Variants in ATP2B2 observed in about 807,000 individuals in gnomAD.
ATP2B2 encodes the protein plasma membrane calcium-transporting ATPase 2.
ATP2B2 carries 15 observed loss-of-function variants against 120.0 expected under a neutral mutation model. That is an observed-to-expected ratio of 0.12 (90% CI 0.08 to 0.19). ATP2B2 has a LOEUF of 0.19. ATP2B2 is among the 10% of genes least tolerant of loss of function. The probability of loss-of-function intolerance (pLI) is 1.00; values close to 1 mark genes in which losing one functional copy is unlikely to be tolerated. For missense variants in ATP2B2, 1,045 were observed against 1,719.8 expected, an observed-to-expected ratio of 0.61 and a Z score of 6.94; for synonymous variants, 694 against 700.3, an observed-to-expected ratio of 0.99 and a Z score of 0.14.
chr3:10,600,385 C>A (rs1429260056), intron 2 of ATP2B2, among the ~76,000 whole-genome samples: 1 of 152,224 alleles, frequency 6.6e-6, no homozygotes, highest in Non-Finnish European at 1.5e-5. Flanking sequence ...CATTTTCTGG[C>A]TGGACAGAGT....
chr3:10,633,274 C>T (rs189443852), intron 1 of ATP2B2, among the ~76,000 whole-genome samples: 2 of 152,178 alleles, frequency 1.3e-5, no homozygotes, highest in African/African-American at 4.8e-5. Flanking sequence ...TCCATGAATG[C>T]TATTTCTCCC....
intron 2 of ATP2B2, among the ~76,000 whole-genome samples, chr3:10,446,659 C>A (rs1436946586): frequency 6.6e-6 from 1 of 152,186 alleles, no homozygotes; most frequent in African/African-American, 2.4e-5. Context: ...GCCTGTACCT[C>A]CCAGCCCCCT....
At chr3:10,695,238 A>AGTAG (rs2071724160) in intron 1 of ATP2B2, among the ~76,000 whole-genome samples, 1 of 91,638 alleles carries the variant, frequency 1.1e-5, no homozygotes, top group Non-Finnish European at 1.9e-5. Context: ...TAGCAGGCAA[A>AGTAG]GGAGGGAGGG....
chr3:10,357,348 C>T (rs2060766005), intron 14 of ATP2B2, among the ~76,000 whole-genome samples: 1 of 152,128 alleles, frequency 6.6e-6, no homozygotes, highest in Non-Finnish European at 1.5e-5. Flanking sequence ...GCCAGCTGTG[C>T]CGGCACTCAG....
rs966735043 is a variant in ATP2B2, at chr3:10,497,466, C to A, written c.-320+7999G>T. ...TTGAGCCTAGTGTTTATTTTAGTAT[C>A]ATTTATTGAACTAGAAGAGACTCAT... On this transcript the variant is annotated intron_variant, in intron 1 of 22. Transcript: ENST00000360273. Among the ~76,000 whole-genome samples, 24 of 152,226 alleles carry A rather than the reference C, an allele frequency of 1.6e-4. 1 individual carries two copies. Among genetic ancestry groups the A allele is most frequent in the African/African-American group, 5.3e-4 (22 of 41,442 alleles).
intron 1 of ATP2B2, among the ~76,000 whole-genome samples, chr3:10,695,367 A>G (rs1464087324): frequency 2.6e-5 from 4 of 152,148 alleles, no homozygotes; most frequent in Non-Finnish European, 5.9e-5. Flanking sequence ...AGCACATGAA[A>G]GACCTGCTCC....
upstream of ATP2B2, among the ~76,000 whole-genome samples, chr3:10,508,590 C>T (rs977166319): frequency 6.6e-6 from 1 of 152,200 alleles, no homozygotes; most frequent in African/African-American, 2.4e-5. Flanking sequence ...TCAGGGCTTG[C>T]CTAAGGTCAT....
At chr3:10,704,190 C>T (rs911453212) in intron 1 of ATP2B2, among the ~76,000 whole-genome samples, 2 of 152,204 alleles carry the variant, frequency 1.3e-5, no homozygotes, top group African/African-American at 4.8e-5. Flanking sequence ...TTGGCCTCGC[C>T]ATAACTGAAT....
chr3:10,611,051 A>T (rs185875279), intron 2 of ATP2B2, among the ~76,000 whole-genome samples: 2 of 152,336 alleles, frequency 1.3e-5, no homozygotes, highest in African/African-American at 4.8e-5. Context: ...CCAGAACCTG[A>T]GGGCTCGCAG....
chr3:10,648,611 G>A (rs568865717), intron 1 of ATP2B2, among the ~76,000 whole-genome samples: 8 of 152,182 alleles, frequency 5.3e-5, no homozygotes, highest in Middle Eastern at 3.4e-3. Context: ...GACCCAAGCC[G>A]ACCTCAGGAC....
chr3:10,544,799 A>G (rs1306444119), intron 2 of ATP2B2, among the ~76,000 whole-genome samples: 2 of 152,152 alleles, frequency 1.3e-5, no homozygotes, highest in African/African-American at 4.8e-5. Context: ...CTTCCTCCAA[A>G]ATCAAATCAG....
intron 1 of ATP2B2, among the ~76,000 whole-genome samples, chr3:10,487,230 G>C (rs1405941891): frequency 6.6e-6 from 1 of 151,934 alleles, no homozygotes; most frequent in East Asian, 1.9e-4. Flanking sequence ...CTCCCCACAA[G>C]CATGTGTGTG....
At chr3:10,467,409 C>A (rs1433077832) in intron 1 of ATP2B2, among the ~76,000 whole-genome samples, 1 of 152,204 alleles carries the variant, frequency 6.6e-6, no homozygotes, top group Admixed American at 6.5e-5. Context: ...CCTATGCTAA[C>A]CCCACTCTCC....
intron 2 of ATP2B2, among the ~76,000 whole-genome samples, chr3:10,433,861 C>A (rs2063397538): frequency 6.6e-6 from 1 of 152,196 alleles, no homozygotes; most frequent in African/African-American, 2.4e-5. Flanking sequence ...AAGCACTTAT[C>A]CACTCGATAT....
At chr3:10,663,973 A>T (rs1332191620) in intron 1 of ATP2B2, among the ~76,000 whole-genome samples, 1 of 152,124 alleles carries the variant, frequency 6.6e-6, no homozygotes, top group African/African-American at 2.4e-5. Flanking sequence ...CAATGATGCC[A>T]ACTAACCCCA....
chr3:10,587,747 TTTTGTTTG>T (rs71055825), intron 2 of ATP2B2, among the ~76,000 whole-genome samples: 244 of 151,086 alleles, frequency 1.6e-3, no homozygotes, highest in African/African-American at 5.1e-3. Flanking sequence ...TTTCTGGTTT[TTTTGTTTG>T]TTTGTTTGTT....
intron 22 of ATP2B2, chr3:10,336,436 C>T: frequency 1.1e-6 from 1 of 915,596 alleles, no homozygotes; most frequent in Non-Finnish European, 1.6e-6. Flanking sequence ...ACAAAAATAC[C>T]AGACACACTC....
chr3:10,335,102 T>C (rs1448632783), intron 22 of ATP2B2, among the ~76,000 whole-genome samples: 1 of 151,760 alleles, frequency 6.6e-6, no homozygotes, highest in Non-Finnish European at 1.5e-5. Context: ...AGATCAGAAG[T>C]GGTGGCATGA....
chr3:10,345,613 G>A (rs759803206), intron 17 of ATP2B2, 38 bp from the exon 18 acceptor site: 283 of 1,599,968 alleles, frequency 1.8e-4, no homozygotes, highest in Non-Finnish European at 2.0e-4. Context: ...TGGGGTGGCC[G>A]GGGGAGGTGA....
Sources: allele counts gnomAD v4.1 joint callset (sites outside exome capture counted in the v4.1 genomes callset), GRCh38; gene constraint gnomAD v4.1.1; transcripts MANE v1.5; gene names NCBI Gene and HGNC (gene_info 2026-07-23, HGNC 2026-07-21).